IGDCC3: variants seen among roughly 807,000 people sequenced by gnomAD.
IGDCC3 encodes the protein immunoglobulin superfamily DCC subclass member 3.
IGDCC3 carries 47 observed loss-of-function variants against 72.0 expected under a neutral mutation model. That is an observed-to-expected ratio of 0.65 (90% CI 0.52 to 0.83). IGDCC3 has a LOEUF of 0.83. Among genes scored for constraint, IGDCC3 ranks in the 40% least tolerant of loss-of-function variants. The pLI is 0.00. For missense variants in IGDCC3, 1,038 were observed against 1,091.3 expected (o/e 0.95, Z 0.69); for synonymous variants, 477 against 472.8 (o/e 1.01, Z -0.11).
At chr15:65,366,863 T>C (rs2091290746) in intron 2 of IGDCC3, among the ~76,000 whole-genome samples, 1 of 113,340 alleles carries the variant, frequency 8.8e-6, no homozygotes, top group African/African-American at 3.8e-5. Context: ...GAAAGCCCTC[T>C]CTTCTGCTCT....
chr15:65,359,221 G>A (rs545691504), intron 2 of IGDCC3, among the ~76,000 whole-genome samples: 1 of 152,308 alleles, frequency 6.6e-6, no homozygotes, highest in African/African-American at 2.4e-5. Flanking sequence ...AACATAATGA[G>A]TATAATAATG....
chr15:65,331,217 G>C lies in IGDCC3; in HGVS notation c.1397-3C>G. 1 of 1,613,750 alleles carries C rather than the reference G, an allele frequency of 6.2e-7. No individual in the cohort carries two copies. The highest frequency in any genetic ancestry group is 8.5e-7 in the Non-Finnish European group (1 of 1,179,852). On this transcript the variant is annotated splice_region_variant and splice_polypyrimidine_tract_variant and intron_variant, in intron 8 of 13. Transcript: ENST00000327987. The stretch of plus-strand genomic sequence containing the variant: ...CTGATACTCCAGCTCCGGTGGGTCT[G>C]GAGAGGCACAGGGTGGGCAGGGGAG...
rs762351598 is a variant in IGDCC3, at chr15:65,329,620, G to A, written c.1998-23C>T. The A allele has an allele frequency of 6.2e-7, 1 of 1,612,648 alleles. No individual in the cohort carries two copies. The highest frequency in any genetic ancestry group is 8.5e-7 in the Non-Finnish European group (1 of 1,179,060). On this transcript the variant is annotated intron_variant, in intron 12 of 13. Transcript: ENST00000327987. The surrounding 1 kb of genome is among the most constrained non-coding windows in gnomAD (Gnocchi z 4.1). ...ACCCTAAGGGTTAGCCAAGAGTTGG[G>A]GGGAGGGAGAGAGAAAAGAGACAGA...
chr15:65,370,618 G>GTA (rs779669712), intron 2 of IGDCC3, among the ~76,000 whole-genome samples: 4,142 of 56,730 alleles, frequency 0.073, 115 homozygotes, highest in South Asian at 0.16. Context: ...ATATATGTAT[G>GTA]TGTATATATA....
At chr15:65,354,681 C>G (rs1230642965) in intron 2 of IGDCC3, among the ~76,000 whole-genome samples, 2 of 152,208 alleles carry the variant, frequency 1.3e-5, no homozygotes, top group Non-Finnish European at 2.9e-5. Flanking sequence ...TCCCTGAATG[C>G]TGACTTAAAC....
At position 65,329,287 on chromosome 15, in the gene IGDCC3, A is replaced by T; in HGVS notation, c.2205+103T>A. The T allele has an allele frequency of 6.8e-7, 1 of 1,474,652 alleles. No individual in the cohort carries two copies. The allele number at this position is 1,474,652 out of a possible 1,614,324, so 91.3% of individuals were successfully genotyped here. On this transcript the variant is annotated intron_variant, in intron 13 of 13. Transcript: ENST00000327987. The surrounding 1 kb of genome is among the most constrained non-coding windows in gnomAD (Gnocchi z 4.1). ...AAAGAGAAGACCTGCAGTTTGACTAAGGCCAATGATCGAGGCCCGTGGCCA... is the reference window on the plus strand; with the variant it reads ...AAAGAGAAGACCTGCAGTTTGACTATGGCCAATGATCGAGGCCCGTGGCCA...
rs373242020 is a variant in IGDCC3 at position 65,328,845 on chromosome 15, A to G, written c.*64T>C. The G allele has an allele frequency of 6.7e-7, 1 of 1,485,270 alleles. No homozygotes were observed. Among genetic ancestry groups the G allele is most frequent in the East Asian group, 2.5e-5 (1 of 40,686 alleles). The allele number at this position is 1,485,270 out of a possible 1,614,324, so 92.0% of individuals were successfully genotyped here. A position where few individuals can be genotyped will look rare whatever the true frequency, so the allele number is the denominator to read the frequency against. ...ATCCAAATCCCACATGACAGTAGAA[A>G]TCTTGCTTTTGACCTGAGAATGGGC... On this transcript the variant is annotated 3_prime_UTR_variant, in exon 14 of 14. Coordinates refer to ENST00000327987, the MANE Select transcript of IGDCC3 (RefSeq NM_004884.4).
rs1237094382 is a variant in IGDCC3, at chr15:65,333,435, G to C, written c.824-20C>G. The stretch of plus-strand genomic sequence containing the variant: ...GACCATCTGCAGAGGAAGGGGAGGG[G>C]GGATGGGTGAGGGTCAGATAGAGAT... On this transcript the variant is annotated intron_variant, in intron 5 of 13. Transcript: ENST00000327987. 9 of 1,581,514 alleles carry C rather than the reference G, an allele frequency of 5.7e-6. No individual in the cohort carries two copies. The African/African-American group carries it at 9.5e-5, about 17-fold the overall frequency.
chr15:65,330,986 G>T, intron 9 of IGDCC3, 64 bp downstream of exon 9: 1 of 1,563,262 alleles, frequency 6.4e-7, no homozygotes, highest in Non-Finnish European at 8.7e-7. Flanking sequence ...AAGTGTGCAT[G>T]GTGGTTCTGC....
At chr15:65,358,167 G>A (rs1016809273) in intron 2 of IGDCC3, among the ~76,000 whole-genome samples, 4 of 149,914 alleles carry the variant, frequency 2.7e-5, no homozygotes, top group East Asian at 2.0e-4. Flanking sequence ...GTACGGTGGC[G>A]TGATTTCAGC....
chr15:65,347,101 T>C (rs116786034), intron 2 of IGDCC3, among the ~76,000 whole-genome samples: 3,020 of 152,286 alleles, frequency 0.02, 29 homozygotes, highest in African/African-American at 0.027. Context: ...CTAACTTCCG[T>C]CGTTCTGGTC....
Position 65,333,357 on chromosome 15 carries a change from G to C in IGDCC3, c.882C>G (p.Ile294Met). The C allele has an allele frequency of 6.2e-7, 1 of 1,612,630 alleles. No individual in the cohort carries two copies. Among genetic ancestry groups the C allele is most frequent in the African/African-American group, 1.3e-5 (1 of 74,998 alleles). ...IQVLGTGNLI[I>M]SDVTVQHSGV... is the part of the protein sequence containing the mutation. ...CAGAGTGCTGGACCGTCACGTCTGAGATGATGAGGTTTCCTGTGCCCAGCA... is the reference window on the plus strand; with the variant it reads ...CAGAGTGCTGGACCGTCACGTCTGACATGATGAGGTTTCCTGTGCCCAGCA... Residue 294 changes from isoleucine to methionine, a missense_variant, in exon 6 of 14, where the codon ATC becomes ATG. Physicochemically the swap from Ile to Met is conservative, Grantham distance 10. Coordinates refer to ENST00000327987, the MANE Select transcript of IGDCC3 (RefSeq NM_004884.4).
intron 2 of IGDCC3, among the ~76,000 whole-genome samples, chr15:65,358,695 A>G (rs959348306): frequency 1.3e-5 from 2 of 151,940 alleles, no homozygotes; most frequent in African/African-American, 4.8e-5. Flanking sequence ...TTTTTGAGAC[A>G]TGGTCTCTCT....
At position 65,353,789 on chromosome 15, in the gene IGDCC3, A is replaced by G. The variant is rs1157484600; in HGVS notation, c.410-17833T>C. Among the ~76,000 whole-genome samples the G allele has an allele frequency of 2.0e-5, 3 of 151,690 alleles. No individual in the cohort carries two copies. The East Asian group carries it at 5.8e-4, about 29-fold the overall frequency. ...CAGGAAGTTACCCTATATAGCCTAA[A>G]GAGGGGAGACATGCATAATCCACCC... On this transcript the variant is annotated intron_variant, in intron 2 of 13. Coordinates refer to ENST00000327987, the MANE Select transcript of IGDCC3 (RefSeq NM_004884.4).
intron 2 of IGDCC3, among the ~76,000 whole-genome samples, chr15:65,367,857 C>T (rs2091297781): frequency 6.6e-6 from 1 of 152,120 alleles, no homozygotes; most frequent in South Asian, 2.1e-4. Flanking sequence ...ACGCTAGGCC[C>T]CTCGACATCC....
intron 2 of IGDCC3, among the ~76,000 whole-genome samples, chr15:65,337,307 G>A (rs183999657): frequency 0.011 from 1,692 of 152,314 alleles, 21 homozygotes; most frequent in Non-Finnish European, 0.013. Context: ...GGGCCTCCTG[G>A]GAGTGTGTCT....
chr15:65,350,418 G>C (rs756791190), intron 2 of IGDCC3, among the ~76,000 whole-genome samples: 57 of 151,410 alleles, frequency 3.8e-4, no homozygotes, highest in Non-Finnish European at 7.1e-4. Flanking sequence ...CCAAAGTGCT[G>C]GGATTACAGG....
chr15:65,367,465 C>T (rs1217075787), intron 2 of IGDCC3, among the ~76,000 whole-genome samples: 1 of 151,606 alleles, frequency 6.6e-6, no homozygotes, highest in African/African-American at 2.4e-5. Context: ...CAGCATGACA[C>T]ATGTATACAT....
chr15:65,333,220 A>T (rs1379162000), intron 6 of IGDCC3, 37 bp downstream of exon 6: 1 of 1,549,212 alleles, frequency 6.5e-7, no homozygotes, highest in Non-Finnish European at 8.7e-7. Flanking sequence ...CTGTGCGGAG[A>T]TCCCTGCCCT....
Sources: gnomAD v4.1 joint callset for allele counts (sites outside exome capture counted in the v4.1 genomes callset) on GRCh38, gnomAD v4.1.1 for gene constraint, Gnocchi (gnomAD v3.1) non-coding constraint, MANE v1.5 for transcripts, NCBI Gene and HGNC (gene_info 2026-07-23, HGNC 2026-07-21) for gene names.